TMBIM4: variants seen among roughly 807,000 people sequenced by gnomAD.
TMBIM4 encodes transmembrane BAX inhibitor motif containing 4, also known as protein lifeguard 4.
In TMBIM4, 28 loss-of-function variants were observed where a neutral mutation model predicts 27.7. The ratio of observed to expected loss-of-function variants is 1.01; its 90% CI spans 0.75 to 1.38. The LOEUF (loss-of-function observed/expected upper bound fraction) is 1.38. TMBIM4 is among the 40% of genes most tolerant of loss of function. The probability of loss-of-function intolerance (pLI) is 0.00; values close to 1 mark genes in which losing one functional copy is unlikely to be tolerated. For synonymous variants in TMBIM4, 115 were observed against 113.1 expected (o/e 1.02, Z -0.11); for missense variants, 265 against 277.5 (o/e 0.95, Z 0.32).
intron 5 of TMBIM4, among the ~76,000 whole-genome samples, chr12:66,145,136 T>C (rs1001692919): frequency 6.6e-6 from 1 of 152,190 alleles, no homozygotes; most frequent in African/African-American, 2.4e-5. Context: ...TTGTCAGTGT[T>C]GGCTGACCAA....
At chr12:66,150,861 TAG>T (rs1230692700) in intron 3 of TMBIM4, among the ~76,000 whole-genome samples, 2 of 152,136 alleles carry the variant, frequency 1.3e-5, no homozygotes, top group East Asian at 3.9e-4. Flanking sequence ...ACAACTGAGG[TAG>T]AGAAGAGATG....
chr12:66,151,145 C>G (rs934658328), intron 3 of TMBIM4, among the ~76,000 whole-genome samples: 1 of 148,796 alleles, frequency 6.7e-6, no homozygotes, highest in Non-Finnish European at 1.5e-5. Context: ...CATTTTAACA[C>G]AAACTCATTA....
chr12:66,163,450 G>A (rs891306553), intron 1 of TMBIM4, among the ~76,000 whole-genome samples: 1 of 152,086 alleles, frequency 6.6e-6, no homozygotes, highest in Admixed American at 6.5e-5. Context: ...GAAGGCCTCA[G>A]GAAACTTACA....
chr12:66,142,695 G>GAA (rs139686693), intron 5 of TMBIM4, among the ~76,000 whole-genome samples: 4 of 146,714 alleles, frequency 2.7e-5, no homozygotes, highest in African/African-American at 9.9e-5. Context: ...TTCACTATTG[G>GAA]AAAAAAAAAA....
intron 1 of TMBIM4, among the ~76,000 whole-genome samples, chr12:66,154,317 G>A (rs947624279): frequency 1.3e-5 from 2 of 152,090 alleles, no homozygotes; most frequent in African/African-American, 4.8e-5. Flanking sequence ...TAATTGATAA[G>A]TCTACTTGTC....
At chr12:66,168,926 C>A in intron 1 of TMBIM4, 1 of 195,882 alleles carries the variant, frequency 5.1e-6, no homozygotes, top group Non-Finnish European at 1.0e-5. Flanking sequence ...TGTATTTTAC[C>A]ACAATTAATT....
At chr12:66,154,981 T>C (rs565793104) in intron 1 of TMBIM4, among the ~76,000 whole-genome samples, 2 of 152,318 alleles carry the variant, frequency 1.3e-5, no homozygotes, top group East Asian at 3.9e-4. Context: ...CATTGTATTT[T>C]GGCTTAGAGA....
At chr12:66,152,600 G>A (rs564415687) in intron 2 of TMBIM4, among the ~76,000 whole-genome samples, 2 of 151,724 alleles carry the variant, frequency 1.3e-5, no homozygotes, top group Non-Finnish European at 2.9e-5. Flanking sequence ...AATGAATGGG[G>A]GAAACTTTTT....
intron 1 of TMBIM4, chr12:66,169,434 A>G: frequency 1.9e-6 from 1 of 524,968 alleles, no homozygotes. Context: ...GCGAAACCCC[A>G]CAGAACAAAA....
At chr12:66,164,828 T>C (rs938196409) in intron 1 of TMBIM4, among the ~76,000 whole-genome samples, 9 of 152,182 alleles carry the variant, frequency 5.9e-5, no homozygotes, top group African/African-American at 2.2e-4. Flanking sequence ...TGACCTTACA[T>C]GTAGAAAACC....
At chr12:66,163,335 G>A (rs1445306324) in intron 1 of TMBIM4, among the ~76,000 whole-genome samples, 1 of 152,136 alleles carries the variant, frequency 6.6e-6, no homozygotes, top group Non-Finnish European at 1.5e-5. Context: ...TCATTTTACA[G>A]ATGGATGGTG....
intron 4 of TMBIM4, among the ~76,000 whole-genome samples, chr12:66,147,323 AC>A (rs1410131328): frequency 6.6e-6 from 1 of 152,280 alleles, no homozygotes; most frequent in South Asian, 2.1e-4. Flanking sequence ...CTCAAGGTTA[AC>A]CATTTTGAGA....
chr12:66,140,310 C>T (rs186407183), intron 5 of TMBIM4, among the ~76,000 whole-genome samples: 1 of 151,776 alleles, frequency 6.6e-6, no homozygotes, highest in African/African-American at 2.4e-5. Flanking sequence ...TTTCAAAAGA[C>T]ACAAATTGAA....
At chr12:66,139,528 G>C in intron 5 of TMBIM4, 4 of 434,256 alleles carry the variant, frequency 9.2e-6, no homozygotes, top group Admixed American at 7.6e-5. Context: ...ATTTGCCCCA[G>C]CTACAGAGGG....
intron 1 of TMBIM4, chr12:66,169,193 G>C (rs193187963): frequency 3.6e-5 from 25 of 685,280 alleles, no homozygotes; most frequent in Non-Finnish European, 6.1e-5. Flanking sequence ...ACTAGAGCAG[G>C]CAATGGCTTC....
At chr12:66,166,650 T>C (rs916798794) in intron 1 of TMBIM4, among the ~76,000 whole-genome samples, 3 of 152,220 alleles carry the variant, frequency 2.0e-5, no homozygotes. Context: ...CATCAAATGC[T>C]GACGAGTATG....
At chr12:66,151,361 C>G (rs1339169153) in intron 3 of TMBIM4, among the ~76,000 whole-genome samples, 1 of 152,084 alleles carries the variant, frequency 6.6e-6, no homozygotes, top group Non-Finnish European at 1.5e-5. Flanking sequence ...CCTCAGCCTC[C>G]CAAGTAGCTG....
chr12:66,169,199 G>C (rs1482936594), intron 1 of TMBIM4: 1 of 688,160 alleles, frequency 1.5e-6, no homozygotes. Context: ...GCAGGCAATG[G>C]CTTCCACGTA....
Position 66,153,375 on chromosome 12 carries a change from TA to T in TMBIM4, c.170del (p.Leu57TyrfsTer16). ...LLTTVTSTVFLYFESVRTFVH... is the reference protein window; with the variant it reads ...LLTTVTSTVFXYFESVRTFVH... ...CAAATGTCCGTACAGACTCAAAGTA[TA>T]AAAAAACTGTTGAAGTCACTGTAGT... is the stretch of plus-strand genomic sequence containing the variant. On this transcript the variant is annotated frameshift_variant, in exon 2 of 7. Transcript: ENST00000358230. LOFTEE classifies it high-confidence loss of function. The T allele has an allele frequency of 1.9e-6, 3 of 1,598,404 alleles. No homozygotes were observed. Among genetic ancestry groups the T allele is most frequent in the Admixed American group, 3.6e-5 (2 of 56,314 alleles).
Sources: allele counts gnomAD v4.1 joint callset (sites outside exome capture counted in the v4.1 genomes callset), GRCh38; gene constraint gnomAD v4.1.1; transcripts MANE v1.5; gene names NCBI Gene and HGNC (gene_info 2026-07-23, HGNC 2026-07-21).